Variants in SPP2 observed in about 807,000 individuals in gnomAD.
SPP2 encodes secreted phosphoprotein 2.
SPP2 carries 34 observed loss-of-function variants against 28.8 expected under a neutral mutation model. The observed-to-expected ratio is 1.18, with a 90% CI of 0.90 to 1.57. The LOEUF is 1.57. Ranked by LOEUF, SPP2 falls within the 40% of genes most tolerant of loss-of-function variation. The pLI, the probability that SPP2 is intolerant of heterozygous loss-of-function variation, is 0.00. For synonymous variants in SPP2, 96 were observed against 89.4 expected (o/e 1.07, Z -0.42); for missense variants, 269 against 263.9 (o/e 1.02, Z -0.13).
intron 2 of SPP2, among the ~76,000 whole-genome samples, chr2:234,051,993 A>G (rs561429915): frequency 6.6e-6 from 1 of 152,296 alleles, no homozygotes; most frequent in South Asian, 2.1e-4. Flanking sequence ...ATGATTTCCT[A>G]GTTCTAGTCT....
At chr2:234,062,717 A>T (rs1693744679) in intron 4 of SPP2, among the ~76,000 whole-genome samples, 1 of 152,288 alleles carries the variant, frequency 6.6e-6, no homozygotes, top group South Asian at 2.1e-4. Context: ...AAAGAAATGG[A>T]TTCTGGTTCA....
Position 234,067,701 on chromosome 2 carries a change from C to A in SPP2, c.550+427C>A, listed in dbSNP as rs1327147865. Among the ~76,000 whole-genome samples, 7 of 140,558 alleles carry A rather than the reference C, an allele frequency of 5.0e-5. No homozygotes were observed. The South Asian group carries it at 1.7e-3, about 33-fold the overall frequency. The allele number at this position is 140,558 out of a possible 152,430, so 92.2% of individuals were successfully genotyped here. A position where few individuals can be genotyped will look rare whatever the true frequency, so the allele number is the denominator to read the frequency against. On this transcript the variant is annotated intron_variant, in intron 6 of 7. Coordinates refer to ENST00000168148, the MANE Select transcript of SPP2 (RefSeq NM_006944.3). ...CTAAGGCAGGAGAATGGCGTGAACC[C>A]GGGAGGCGGAGCTTGCAGTGAGCCG...
At chr2:234,056,856 T>C (rs542784255) in intron 2 of SPP2, among the ~76,000 whole-genome samples, 1 of 152,208 alleles carries the variant, frequency 6.6e-6, no homozygotes, top group African/African-American at 2.4e-5. Context: ...ATGTGTCCTA[T>C]GTTAGGAGAC....
At chr2:234,051,855 G>A (rs1188883956) in intron 2 of SPP2, among the ~76,000 whole-genome samples, 1 of 152,118 alleles carries the variant, frequency 6.6e-6, no homozygotes, top group East Asian at 1.9e-4. Context: ...ATGAAGACAC[G>A]GCTGAAGGTC....
At chr2:234,055,147 G>C (rs1352625807) in intron 2 of SPP2, among the ~76,000 whole-genome samples, 1 of 152,006 alleles carries the variant, frequency 6.6e-6, no homozygotes, top group Non-Finnish European at 1.5e-5. Context: ...ATATATGAGA[G>C]AGAGACATTG....
chr2:234,052,559 T>C (rs1507519), intron 2 of SPP2, among the ~76,000 whole-genome samples: 16,969 of 152,214 alleles, frequency 0.11, 1,996 homozygotes, highest in African/African-American at 0.29. Flanking sequence ...CTGGCTCATG[T>C]GCCATCTTGG....
intron 3 of SPP2, among the ~76,000 whole-genome samples, chr2:234,059,479 C>G (rs1693674934): frequency 6.6e-6 from 1 of 152,120 alleles, no homozygotes; most frequent in African/African-American, 2.4e-5. Flanking sequence ...AACCTAACCC[C>G]AAAGGCCAAG....
chr2:234,068,482 T>C (rs1693871510), intron 6 of SPP2, among the ~76,000 whole-genome samples: 1 of 152,198 alleles, frequency 6.6e-6, no homozygotes, highest in Non-Finnish European at 1.5e-5. Context: ...AACAGAGATA[T>C]TAACATTTCA....
At chr2:234,052,565 C>G (rs775340966) in intron 2 of SPP2, among the ~76,000 whole-genome samples, 2 of 152,160 alleles carry the variant, frequency 1.3e-5, no homozygotes, top group Non-Finnish European at 2.9e-5. Context: ...CATGTGCCAT[C>G]TTGGTATAGT....
chr2:234,069,115 T>C (rs899756458), intron 6 of SPP2, among the ~76,000 whole-genome samples: 24 of 151,988 alleles, frequency 1.6e-4, no homozygotes, highest in African/African-American at 5.1e-4. Context: ...TTTCTTACCA[T>C]ATGACCTTTC....
At chr2:234,069,685 C>T (rs1235383901) in intron 6 of SPP2, among the ~76,000 whole-genome samples, 1 of 152,082 alleles carries the variant, frequency 6.6e-6, no homozygotes, top group East Asian at 1.9e-4. Context: ...GCTGAGACAT[C>T]ACATGTAGTA....
rs1693477276 is a variant in SPP2, at chr2:234,050,886, A to C, written c.85+15A>C. On this transcript the variant is annotated intron_variant, in intron 1 of 7. Coordinates refer to ENST00000168148, the MANE Select transcript of SPP2 (RefSeq NM_006944.3). ...GTCTTGCTCAGGTAAGGTATTCACC[A>C]ACCTGGCCACCTGCTCTGGATCATG... is the stretch of plus-strand genomic sequence containing the variant. 1 of 1,613,898 alleles carries C rather than the reference A, an allele frequency of 6.2e-7. No homozygotes were observed. Among genetic ancestry groups the C allele is most frequent in the South Asian group, 1.1e-5 (1 of 91,070 alleles).
chr2:234,050,777 G>C lies in SPP2; in HGVS notation c.-10G>C. Reference sequence around the variant, plus strand: ...CATAGAGAGACACTCTCTGTCTCTCGATTACAATCATGATTTCCAGAATGG... The same window carrying C: ...CATAGAGAGACACTCTCTGTCTCTCCATTACAATCATGATTTCCAGAATGG... On this transcript the variant is annotated 5_prime_UTR_variant, in exon 1 of 8. Coordinates refer to ENST00000168148, the MANE Select transcript of SPP2 (RefSeq NM_006944.3). 6.2e-7 allele frequency: 1 copy of C among 1,612,922 alleles called. No homozygotes were observed. The highest frequency in any genetic ancestry group is 8.5e-7 in the Non-Finnish European group (1 of 1,179,040).
At chr2:234,072,388 G>A (rs28904009) in intron 7 of SPP2, among the ~76,000 whole-genome samples, 12 of 151,974 alleles carry the variant, frequency 7.9e-5, no homozygotes, top group Non-Finnish European at 1.3e-4. Context: ...AAATGTAAAT[G>A]ATATCTTTTT....
In SPP2 at chr2:234,060,393, G is replaced by T; in HGVS notation, c.358G>T (p.Val120Leu). The change falls in exon 4 of 8, where the codon GTG (valine) becomes TTG (leucine). Residue 120 changes from valine to leucine, a missense_variant. By Grantham distance (32) the Val-to-Leu change is conservative. Coordinates refer to ENST00000168148, the MANE Select transcript of SPP2 (RefSeq NM_006944.3). Reference protein sequence around the residue: ...YVSTAVCRSTVKVSAQQVQGV... With the variant: ...YVSTAVCRSTLKVSAQQVQGV... ...GTCCACAGCTGTTTGCAGAAGCACC[G>T]TGAAGGTATCTGCCCAGCAGGTGCA... The T allele has an allele frequency of 6.2e-7, 1 of 1,613,972 alleles. No individual in the cohort carries two copies. The highest frequency in any genetic ancestry group is 1.1e-5 in the South Asian group (1 of 91,078).
At chr2:234,057,068 G>A (rs1693623357) in intron 2 of SPP2, among the ~76,000 whole-genome samples, 1 of 152,066 alleles carries the variant, frequency 6.6e-6, no homozygotes, top group South Asian at 2.1e-4. Flanking sequence ...AAACTAAGAG[G>A]CAAGAAGTGA....
At chr2:234,065,164 A>G (rs1693792547) in intron 4 of SPP2, among the ~76,000 whole-genome samples, 9 of 152,188 alleles carry the variant, frequency 5.9e-5, no homozygotes, top group Admixed American at 5.2e-4. Flanking sequence ...GTACCATTTT[A>G]CATTCCCACC....
Position 234,051,063 on chromosome 2 carries a change from C to T in SPP2, c.178C>T (p.Leu60=), listed in dbSNP as rs758641331. The part of the protein sequence containing the change: ...KVNSQSLSPY[L]FRAFRSSLKR... ...GAATTCCCAGTCACTGAGTCCGTAT[C>T]TGTTTCGGGCATTCAGAAGCTCATT... Residue 60 remains leucine (L), a synonymous_variant, in exon 2 of 8, where the codon CTG becomes TTG. Transcript: ENST00000168148. 1 of 1,613,988 alleles carries T rather than the reference C, an allele frequency of 6.2e-7. No homozygotes were observed. The highest frequency in any genetic ancestry group is 8.5e-7 in the Non-Finnish European group (1 of 1,179,914).
At chr2:234,071,583 C>T (rs149400607) in intron 7 of SPP2, among the ~76,000 whole-genome samples, 57 of 152,322 alleles carry the variant, frequency 3.7e-4, no homozygotes, top group Non-Finnish European at 5.9e-4. Flanking sequence ...ATTTTACATG[C>T]GCACATGTGC....
Sources: allele counts gnomAD v4.1 joint callset (sites outside exome capture counted in the v4.1 genomes callset), GRCh38; gene constraint gnomAD v4.1.1; transcripts MANE v1.5; gene names NCBI Gene and HGNC (gene_info 2026-07-23, HGNC 2026-07-21).